Variants in LRP1B observed in about 807,000 individuals in gnomAD.
The protein encoded by LRP1B is low-density lipoprotein receptor-related protein 1B.
LRP1B carries 217 observed loss-of-function variants against 556.6 expected under a neutral mutation model. The ratio of observed to expected loss-of-function variants is 0.39; its 90% CI spans 0.35 to 0.44. LRP1B has a LOEUF of 0.44. Ranked by LOEUF, LRP1B falls within the 20% of genes least tolerant of loss-of-function variation. The pLI, the probability that LRP1B is intolerant of heterozygous loss-of-function variation, is 1.00. For synonymous variants in LRP1B, 2,047 were observed against 1,865.8 expected (o/e 1.10, Z -2.50); for missense variants, 5,053 against 5,620.8 (o/e 0.90, Z 3.23).
At chr2:140,925,396 G>A (rs990059307) in intron 20 of LRP1B, among the ~76,000 whole-genome samples, 7 of 152,122 alleles carry the variant, frequency 4.6e-5, no homozygotes, top group Admixed American at 3.9e-4. Flanking sequence ...AATCAGCTCT[G>A]TGCATCACTC....
At chr2:140,645,463 G>A (rs1684444525) in intron 41 of LRP1B, among the ~76,000 whole-genome samples, 1 of 147,978 alleles carries the variant, frequency 6.8e-6, no homozygotes, top group Non-Finnish European at 1.5e-5. Flanking sequence ...CCCTTCTACT[G>A]TCTCTGAGTA....
chr2:142,060,696 T>C (rs1574643544), intron 1 of LRP1B, among the ~76,000 whole-genome samples: 1 of 152,054 alleles, frequency 6.6e-6, no homozygotes, highest in East Asian at 1.9e-4. Flanking sequence ...AAAGTCTCTA[T>C]GTTTTAAGAG....
intron 1 of LRP1B, among the ~76,000 whole-genome samples, chr2:142,035,361 T>A (rs534505990): frequency 6.6e-6 from 1 of 151,786 alleles, no homozygotes; most frequent in South Asian, 2.1e-4. Context: ...TGGATGCTTA[T>A]CAAAATCACC....
rs1489815326 is a variant in LRP1B, at chr2:141,473,102, C to G, written c.343+7294G>C. On this transcript the variant is annotated intron_variant, in intron 3 of 90. Coordinates refer to ENST00000389484, the MANE Select transcript of LRP1B (RefSeq NM_018557.3). ...ACATTTTTAAACTTGAATTCTAAGT[C>G]TCTTTAGCAGTATTAATTTAGCAAT... 2.0e-5 allele frequency among the ~76,000 whole-genome samples: 3 copies of G among 152,224 alleles called. No individual in the cohort carries two copies. The East Asian group carries it at 5.8e-4, about 29-fold the overall frequency.
chr2:140,550,474 T>C (rs966720610), intron 43 of LRP1B, among the ~76,000 whole-genome samples: 1 of 152,152 alleles, frequency 6.6e-6, no homozygotes, highest in Admixed American at 6.6e-5. Flanking sequence ...ATCTGTAATA[T>C]ATTAGAACAT....
At chr2:140,959,868 T>C (rs1695981659) in intron 18 of LRP1B, among the ~76,000 whole-genome samples, 1 of 151,670 alleles carries the variant, frequency 6.6e-6, no homozygotes, top group South Asian at 2.1e-4. Context: ...ATTTCATTGT[T>C]TTTCTCTCAT....
At chr2:141,303,246 C>T (rs1307919415) in intron 3 of LRP1B, among the ~76,000 whole-genome samples, 6 of 152,032 alleles carry the variant, frequency 3.9e-5, no homozygotes, top group South Asian at 4.1e-4. Context: ...TTAGCGTATC[C>T]ATCACCTTGA....
chr2:140,237,841 G>A (rs900198284), intron 89 of LRP1B, among the ~76,000 whole-genome samples: 2 of 150,632 alleles, frequency 1.3e-5, no homozygotes, highest in Non-Finnish European at 3.0e-5. Flanking sequence ...TTTTAAATGA[G>A]TTTTTCGTTT....
chr2:141,015,765 G>T lies in LRP1B; in HGVS notation c.2121C>A (p.Asn707Lys), dbSNP rs746731480. ...PNGLTLDFHT[N>K]TLYWCDAYYD... is the part of the protein sequence containing the mutation. The stretch of plus-strand genomic sequence containing the variant: ...AATAGGCATCACACCAGTATAATGT[G>T]TTGGTGTGAAAGTCCAGAGTTAAAC... The change falls in exon 13 of 91, where the codon AAC (asparagine) becomes AAA (lysine). Residue 707 changes from asparagine to lysine, a missense_variant. Around this residue, in one of 5 missense-constraint regions of LRP1B, gnomAD observed 3,619 missense variants for 3,931.9 expected, o/e 0.92. Transcript: ENST00000389484. The T allele has an allele frequency of 1.2e-6, 2 of 1,613,286 alleles. No individual in the cohort carries two copies. Among genetic ancestry groups the T allele is most frequent in the East Asian group, 4.5e-5 (2 of 44,690 alleles).
chr2:141,639,343 T>TACAC (rs1387785338), intron 2 of LRP1B, among the ~76,000 whole-genome samples: 36 of 63,498 alleles, frequency 5.7e-4, no homozygotes, highest in African/African-American at 9.2e-4. Context: ...TATATATATA[T>TACAC]ATATATACAC....
chr2:140,995,078 C>T (rs1697204566), intron 15 of LRP1B, among the ~76,000 whole-genome samples: 2 of 151,920 alleles, frequency 1.3e-5, no homozygotes, highest in Non-Finnish European at 2.9e-5. Flanking sequence ...AGCCTGGATG[C>T]TGGAACTGCC....
chr2:140,559,123 C>T (rs1321641281), intron 43 of LRP1B, among the ~76,000 whole-genome samples: 2 of 151,888 alleles, frequency 1.3e-5, no homozygotes, highest in Non-Finnish European at 2.9e-5. Context: ...CTATGTAATA[C>T]AAGGACAATT....
chr2:141,981,644 C>A (rs1702044788), intron 1 of LRP1B, among the ~76,000 whole-genome samples: 2 of 152,064 alleles, frequency 1.3e-5, no homozygotes, highest in Non-Finnish European at 1.5e-5. Flanking sequence ...GTAGGGAGAA[C>A]AAGTATGGAA....
chr2:141,247,181 A>C (rs1291644894), intron 5 of LRP1B, 45 bp downstream of exon 5: 1 of 1,609,164 alleles, frequency 6.2e-7, no homozygotes, highest in Non-Finnish European at 8.5e-7. Flanking sequence ...GTAAAAAGGA[A>C]ACAAGTAATT....
At chr2:141,333,473 A>G (rs1199765343) in intron 3 of LRP1B, among the ~76,000 whole-genome samples, 1 of 152,192 alleles carries the variant, frequency 6.6e-6, no homozygotes, top group African/African-American at 2.4e-5. Context: ...GTTTTCAAAT[A>G]TTCACAACAC....
At chr2:141,981,887 G>T (rs763995857) in intron 1 of LRP1B, among the ~76,000 whole-genome samples, 3 of 152,158 alleles carry the variant, frequency 2.0e-5, no homozygotes, top group Middle Eastern at 3.4e-3. Flanking sequence ...CCTTCTGTTT[G>T]CTGGGTATCT....
intron 1 of LRP1B, among the ~76,000 whole-genome samples, chr2:141,846,657 G>A (rs62155402): frequency 0.059 from 8,965 of 151,220 alleles, 373 homozygotes; most frequent in Non-Finnish European, 0.091. Flanking sequence ...TATAGTGTGA[G>A]TAAATACAAT....
intron 37 of LRP1B, among the ~76,000 whole-genome samples, chr2:140,714,871 C>G (rs573493109): frequency 2.0e-5 from 3 of 152,154 alleles, no homozygotes; most frequent in South Asian, 2.1e-4. Flanking sequence ...AGAACACGTA[C>G]AGCTACCAGG....
At chr2:140,375,171 GTA>G (rs929909468) in intron 68 of LRP1B, among the ~76,000 whole-genome samples, 12 of 125,334 alleles carry the variant, frequency 9.6e-5, no homozygotes, top group South Asian at 2.5e-4. Flanking sequence ...TATACTGTGT[GTA>G]TGTGTGTGTG....
Sources: gnomAD v4.1 joint callset for allele counts (sites outside exome capture counted in the v4.1 genomes callset) on GRCh38, gnomAD v4.1.1 for gene constraint, gnomAD v4.1.1 regional missense constraint, MANE v1.5 for transcripts, NCBI Gene and HGNC (gene_info 2026-07-23, HGNC 2026-07-21) for gene names.